Variants in CAPN9 observed in about 807,000 individuals in gnomAD.
CAPN9 encodes the protein calpain 9.
A neutral mutation model predicts 92.8 loss-of-function variants in CAPN9; 81 were observed. That is an observed-to-expected ratio of 0.87 (90% CI 0.73 to 1.05). CAPN9 has a LOEUF of 1.05. Among genes scored for constraint, CAPN9 ranks in the 50% least tolerant of loss-of-function variants. The probability of loss-of-function intolerance (pLI) is 0.00; values close to 1 mark genes in which losing one functional copy is unlikely to be tolerated. For synonymous variants in CAPN9, 304 were observed against 328.0 expected (o/e 0.93, Z 0.79); for missense variants, 848 against 866.2 (o/e 0.98, Z 0.26).
At chr1:230,759,187 G>A (rs1176707786) in intron 2 of CAPN9, among the ~76,000 whole-genome samples, 1 of 152,186 alleles carries the variant, frequency 6.6e-6, no homozygotes, top group Non-Finnish European at 1.5e-5. Context: ...TGACACTGAT[G>A]TATGCAGTCT....
chr1:230,782,777 G>A (rs971462718), intron 11 of CAPN9, among the ~76,000 whole-genome samples: 2 of 152,164 alleles, frequency 1.3e-5, no homozygotes, highest in South Asian at 4.1e-4. Context: ...AGCACTTTGG[G>A]AGGCCGAGGC....
chr1:230,781,997 A>T (rs937260172), intron 11 of CAPN9, among the ~76,000 whole-genome samples: 2 of 152,228 alleles, frequency 1.3e-5, no homozygotes, highest in African/African-American at 4.8e-5. Context: ...ATGGGGATGA[A>T]TATCCTAGTA....
chr1:230,784,410 C>A (rs929307750), intron 11 of CAPN9, among the ~76,000 whole-genome samples: 1 of 152,198 alleles, frequency 6.6e-6, no homozygotes, highest in African/African-American at 2.4e-5. Context: ...CATCACAGGC[C>A]GAGAGGCCTA....
intron 13 of CAPN9, among the ~76,000 whole-genome samples, chr1:230,789,596 T>C (rs916670482): frequency 6.6e-6 from 1 of 151,988 alleles, no homozygotes; most frequent in Non-Finnish European, 1.5e-5. Context: ...AGATCCATGA[T>C]TCTGAAATTC....
intron 4 of CAPN9, 56 bp from the exon 5 acceptor site, chr1:230,767,485 C>A (rs1202541363): frequency 2.8e-6 from 4 of 1,435,454 alleles, no homozygotes; most frequent in Non-Finnish European, 3.8e-6. Context: ...AGCAGGGTGC[C>A]CCAGTGGCCT....
At chr1:230,781,115 C>T (rs1237876262) in intron 11 of CAPN9, among the ~76,000 whole-genome samples, 3 of 152,052 alleles carry the variant, frequency 2.0e-5, no homozygotes, top group Admixed American at 6.5e-5. Flanking sequence ...GTGATCCACC[C>T]GCCTCAGCCT....
rs1667347851 is a variant in CAPN9, at chr1:230,783,228, G to A, written c.1481+2520G>A. Among the ~76,000 whole-genome samples the A allele has an allele frequency of 2.6e-5, 4 of 152,252 alleles. No homozygotes were observed. In the South Asian group the frequency reaches 8.3e-4, roughly 32 times the overall value. On this transcript the variant is annotated intron_variant, in intron 11 of 19. Transcript: ENST00000271971. ...TGCTATTCTACAAAACACTTTATCA[G>A]TTGCCCTTGTTAAAGTACATTAAAG...
chr1:230,750,454 A>G (rs1317979199), intron 1 of CAPN9, among the ~76,000 whole-genome samples: 2 of 152,136 alleles, frequency 1.3e-5, no homozygotes, highest in Non-Finnish European at 2.9e-5. Context: ...GAAGCTTTAC[A>G]TCATATCTTA....
intron 1 of CAPN9, among the ~76,000 whole-genome samples, chr1:230,751,691 G>A (rs1486980413): frequency 1.3e-5 from 2 of 151,100 alleles, no homozygotes; most frequent in Non-Finnish European, 2.9e-5. Flanking sequence ...AAGAAGGGTG[G>A]CTTTTCCCTT....
rs377755113 is a variant in CAPN9, at chr1:230,786,020, G to C, written c.1518+3G>C. 1.9e-6 allele frequency: 3 copies of C among 1,613,740 alleles called. No homozygotes were observed. In the African/African-American group the frequency reaches 4.0e-5, roughly 22 times the overall value. On this transcript the variant is annotated splice_donor_region_variant and intron_variant, in intron 12 of 19. Transcript: ENST00000271971. ...ATGTAGACATTGACCTTCCTGAGGT[G>C]AGTCTTCTGATGTTGCTATGGAGTA...
chr1:230,797,606 G>A (rs1045059730), intron 18 of CAPN9, among the ~76,000 whole-genome samples: 9 of 152,112 alleles, frequency 5.9e-5, no homozygotes. Context: ...GGGCTGATTG[G>A]CTCGACCTCG....
rs554382146 is a variant in CAPN9 at position 230,747,437 on chromosome 1, G to T, written c.-60G>T. 2 of 1,434,294 alleles carry T rather than the reference G, an allele frequency of 1.4e-6. No homozygotes were observed. The highest frequency in any genetic ancestry group is 2.3e-5 in the South Asian group (2 of 87,214). The allele number at this position is 1,434,294 out of a possible 1,614,324, so 88.8% of individuals were successfully genotyped here. On this transcript the variant is annotated 5_prime_UTR_variant, in exon 1 of 20. Coordinates refer to ENST00000271971, the MANE Select transcript of CAPN9 (RefSeq NM_006615.3). The stretch of plus-strand genomic sequence containing the variant: ...CCTTCTTGACCGGCACACACAGCTC[G>T]CTTCTTCACTTTCTTTTCCATCCAC...
Position 230,792,849 on chromosome 1 carries a change from G to T in CAPN9, c.1792-1G>T, listed in dbSNP as rs757025661. 6.2e-7 allele frequency: 1 copy of T among 1,613,710 alleles called. No homozygotes were observed. Among genetic ancestry groups the T allele is most frequent in the South Asian group, 1.1e-5 (1 of 91,066 alleles). On this transcript the variant is annotated splice_acceptor_variant, in intron 16 of 19. Transcript: ENST00000271971. LOFTEE classifies it high-confidence loss of function. ...CAAGGCTTCTGCTCTCCACCCTTTAGAACCTTTTCCTTCGGTTTGATGCTG... is the reference window on the plus strand; with the variant it reads ...CAAGGCTTCTGCTCTCCACCCTTTATAACCTTTTCCTTCGGTTTGATGCTG...
chr1:230,801,472 TCTC>T, intron 19 of CAPN9, 95 bp from the exon 20 acceptor site: 1 of 1,097,122 alleles, frequency 9.1e-7, no homozygotes, highest in Non-Finnish European at 1.4e-6. Flanking sequence ...AAATAGCAGA[TCTC>T]CTGTGATATC....
intron 19 of CAPN9, 78 bp downstream of exon 19, chr1:230,798,298 A>C (rs1668476635): frequency 2.1e-6 from 2 of 935,414 alleles, no homozygotes; most frequent in Non-Finnish European, 3.4e-6. Flanking sequence ...TGTTTGCCGA[A>C]TGCTTGATTT....
At chr1:230,759,356 G>A (rs568622441) in intron 2 of CAPN9, among the ~76,000 whole-genome samples, 156 bp from the exon 3 acceptor site, 1 of 152,340 alleles carries the variant, frequency 6.6e-6, no homozygotes, top group East Asian at 1.9e-4. Context: ...GGCAGAAGGG[G>A]AGGAGAGAGT....
At chr1:230,755,684 C>G (rs893659708) in intron 2 of CAPN9, among the ~76,000 whole-genome samples, 2 of 152,250 alleles carry the variant, frequency 1.3e-5, no homozygotes, top group African/African-American at 4.8e-5. Context: ...GGCTCTCCTA[C>G]ACCACCACAG....
At chr1:230,787,694 C>A in intron 13 of CAPN9, 92 bp downstream of exon 13, 2 of 1,073,662 alleles carry the variant, frequency 1.9e-6, no homozygotes, top group Non-Finnish European at 2.9e-6. Context: ...TGGTCAGCAA[C>A]GTCATCCTGA....
intron 13 of CAPN9, among the ~76,000 whole-genome samples, chr1:230,789,680 A>G (rs1667849689): frequency 6.6e-6 from 1 of 152,128 alleles, no homozygotes; most frequent in African/African-American, 2.4e-5. Context: ...TCTGATTTCA[A>G]GATTCCCTGG....
Sources: allele counts gnomAD v4.1 joint callset (sites outside exome capture counted in the v4.1 genomes callset), GRCh38; gene constraint gnomAD v4.1.1; transcripts MANE v1.5; gene names NCBI Gene and HGNC (gene_info 2026-07-23, HGNC 2026-07-21).